Variants in ZNF423 observed in about 807,000 individuals in gnomAD.
ZNF423 encodes the protein zinc finger protein 423, also known as Ebf-associated zinc finger protein.
Under a neutral mutation model 95.8 loss-of-function variants are expected in ZNF423, and 12 were observed. The ratio of observed to expected loss-of-function variants is 0.13; its 90% CI spans 0.08 to 0.20. ZNF423 has a LOEUF of 0.20. Among genes scored for constraint, ZNF423 ranks in the 10% least tolerant of loss-of-function variants. ZNF423 has a pLI of 1.00. For synonymous variants in ZNF423, 749 were observed against 711.9 expected (o/e 1.05, Z -0.83); for missense variants, 1,316 against 1,737.1 (o/e 0.76, Z 4.31).
chr16:49,819,995 G>A (rs1278364484), intron 1 of ZNF423, among the ~76,000 whole-genome samples: 1 of 152,068 alleles, frequency 6.6e-6, no homozygotes, highest in African/African-American at 2.4e-5. Context: ...TGTAGGTTAG[G>A]AGTATTATTA....
At chr16:49,640,544 G>A (rs938092410) in intron 3 of ZNF423, among the ~76,000 whole-genome samples, 2 of 152,232 alleles carry the variant, frequency 1.3e-5, no homozygotes, top group South Asian at 2.1e-4. Flanking sequence ...GGGTCTTGAG[G>A]GGTCCCTCAC....
At chr16:49,504,992 G>A (rs1774389353) in intron 7 of ZNF423, among the ~76,000 whole-genome samples, 1 of 152,172 alleles carries the variant, frequency 6.6e-6, no homozygotes, top group South Asian at 2.1e-4. Context: ...TGTTTGCTCT[G>A]GCAGGGCAGG....
chr16:49,767,677 A>T (rs2033954009), intron 2 of ZNF423, among the ~76,000 whole-genome samples: 1 of 152,158 alleles, frequency 6.6e-6, no homozygotes, highest in Non-Finnish European at 1.5e-5. Context: ...CTTTAATCCC[A>T]GGGAGAGTCA....
Position 49,635,704 on chromosome 16 carries a change from T to G in ZNF423, c.3472A>C (p.Thr1158Pro), listed in dbSNP as rs765815714. Residue 1158 changes from threonine to proline, a missense_variant, in exon 4 of 8, where the codon ACC becomes CCC. Around this residue, in one of 6 missense-constraint regions of ZNF423, gnomAD observed 620 missense variants for 775.6 expected, o/e 0.80. Transcript: ENST00000563137. This position sits in a 1 kb window ranked among gnomAD's most constrained non-coding sequence, Gnocchi z 4.8. ...QVDHRDLTPETSGPRKGTQTS... is the reference protein window; with the variant it reads ...QVDHRDLTPEPSGPRKGTQTS... ...TGGGTGCCTTTCCGGGGCCCACTGG[T>G]CTCCGGCGTGAGGTCACGGTGGTCC... 1 of 1,600,778 alleles carries G rather than the reference T, an allele frequency of 6.2e-7. No homozygotes were observed.
chr16:49,670,739 G>A lies in ZNF423; in HGVS notation c.302-31865C>T, dbSNP rs191630266. Among the ~76,000 whole-genome samples the A allele has an allele frequency of 1.6e-4, 25 of 152,324 alleles. No individual in the cohort carries two copies. The East Asian group carries it at 3.3e-3, about 20-fold the overall frequency. On this transcript the variant is annotated intron_variant, in intron 3 of 7. Coordinates refer to ENST00000563137, the MANE Select transcript of ZNF423 (RefSeq NM_001379286.1). ...GCACGCTGCCTCATTCTCAGCCAAC[G>A]TAGGCTACAATTAATCTGAAGCAGG... is the stretch of plus-strand genomic sequence containing the variant.
chr16:49,586,566 G>GCA (rs1410865800), intron 5 of ZNF423, among the ~76,000 whole-genome samples: 1 of 152,240 alleles, frequency 6.6e-6, no homozygotes. Context: ...GGAAATTAGA[G>GCA]CATTACCTGG....
At chr16:49,577,619 T>G (rs373271708) in intron 5 of ZNF423, among the ~76,000 whole-genome samples, 11 of 152,264 alleles carry the variant, frequency 7.2e-5, no homozygotes, top group African/African-American at 2.6e-4. Context: ...CCGCTCAACT[T>G]GCAGCAGGTA....
intron 1 of ZNF423, among the ~76,000 whole-genome samples, chr16:49,809,113 T>C (rs1029577745): frequency 7.9e-5 from 12 of 152,282 alleles, no homozygotes; most frequent in Admixed American, 7.2e-4. Flanking sequence ...AAGTTCATTT[T>C]CCGCGTGTCC....
At chr16:49,854,326 CG>C in intron 1 of ZNF423, 1 of 985,392 alleles carries the variant, frequency 1.0e-6, no homozygotes, top group Non-Finnish European at 1.2e-6. Context: ...TCTGCTGGGC[CG>C]GGGGCAGTCC....
intron 1 of ZNF423, among the ~76,000 whole-genome samples, chr16:49,845,902 C>T (rs529716404): frequency 1.3e-5 from 2 of 152,074 alleles, no homozygotes; most frequent in South Asian, 4.2e-4. Context: ...TGCTGGCATC[C>T]CATACATGAG....
chr16:49,529,664 G>A (rs1408192450), intron 5 of ZNF423, among the ~76,000 whole-genome samples: 1 of 152,190 alleles, frequency 6.6e-6, no homozygotes, highest in Admixed American at 6.5e-5. Flanking sequence ...GGTCTTGGGG[G>A]AAGCCAGGAG....
chr16:49,856,957 A>AGCG (rs1406242816), upstream of ZNF423, among the ~76,000 whole-genome samples: 1 of 143,154 alleles, frequency 7.0e-6, no homozygotes, highest in Non-Finnish European at 1.5e-5. Context: ...CCTCCTGGGC[A>AGCG]GCGGCGGCGG....
intron 1 of ZNF423, among the ~76,000 whole-genome samples, chr16:49,822,919 A>T (rs1335158170): frequency 6.6e-6 from 1 of 152,144 alleles, no homozygotes; most frequent in Non-Finnish European, 1.5e-5. Flanking sequence ...TACACAAGTG[A>T]ATTTTCAAAG....
chr16:49,655,373 G>A (rs989677516), intron 3 of ZNF423, among the ~76,000 whole-genome samples: 3 of 152,166 alleles, frequency 2.0e-5, no homozygotes, highest in East Asian at 1.9e-4. Context: ...ATAACTCCAG[G>A]TCTGCGAATG....
chr16:49,850,449 C>T (rs2035290658), intron 1 of ZNF423, among the ~76,000 whole-genome samples: 1 of 152,180 alleles, frequency 6.6e-6, no homozygotes, highest in African/African-American at 2.4e-5. Flanking sequence ...ATAATGGGGA[C>T]CCCACTAACA....
At chr16:49,702,919 A>G (rs943700456) in intron 3 of ZNF423, among the ~76,000 whole-genome samples, 1,693 of 133,140 alleles carry the variant, frequency 0.013, 29 homozygotes, top group African/African-American at 0.042. Context: ...GCACACACAC[A>G]CACACACACA....
At chr16:49,758,150 T>G (rs2033762414) in intron 2 of ZNF423, among the ~76,000 whole-genome samples, 1 of 152,160 alleles carries the variant, frequency 6.6e-6, no homozygotes, top group South Asian at 2.1e-4. Context: ...AAGGAATTTG[T>G]TTTTTTGAGA....
intron 3 of ZNF423, among the ~76,000 whole-genome samples, chr16:49,648,848 C>T (rs1041716704): frequency 1.3e-5 from 2 of 151,970 alleles, no homozygotes; most frequent in African/African-American, 4.8e-5. Context: ...TCTCCTAGAT[C>T]AAATTAGAGA....
rs372927447 is a variant in ZNF423, at chr16:49,712,278, C to T, written c.301+18493G>A. On this transcript the variant is annotated intron_variant, in intron 3 of 7. Transcript: ENST00000563137. The stretch of plus-strand genomic sequence containing the variant: ...GGGCCTGCATTGGTCACAGAAGGAA[C>T]GGGCGCCCGCACTGCTAATGCACGG... 4.9e-4 allele frequency among the ~76,000 whole-genome samples: 74 copies of T among 152,304 alleles called. 1 individual carries two copies. In the East Asian group the frequency reaches 9.8e-3, roughly 20 times the overall value.
Sources: gnomAD v4.1 joint callset for allele counts (sites outside exome capture counted in the v4.1 genomes callset) on GRCh38, gnomAD v4.1.1 for gene constraint, gnomAD v4.1.1 regional missense constraint, Gnocchi (gnomAD v3.1) non-coding constraint, MANE v1.5 for transcripts, NCBI Gene and HGNC (gene_info 2026-07-23, HGNC 2026-07-21) for gene names.